The following CCSER1 variants were observed in gnomAD, a reference collection of about 807,000 sequenced individuals.
CCSER1 encodes serine-rich coiled-coil domain-containing protein 1.
In CCSER1, 41 loss-of-function variants were observed where a neutral mutation model predicts 82.0. The ratio of observed to expected loss-of-function variants is 0.50; its 90% CI spans 0.39 to 0.65. CCSER1 has a LOEUF of 0.65. Ranked by LOEUF, CCSER1 falls within the 30% of genes least tolerant of loss-of-function variation. The probability of loss-of-function intolerance (pLI) is 0.00; values close to 1 mark genes in which losing one functional copy is unlikely to be tolerated. For synonymous variants in CCSER1, 414 were observed against 383.9 expected, an observed-to-expected ratio of 1.08 and a Z score of -0.92; for missense variants, 1,119 against 1,064.2, an observed-to-expected ratio of 1.05 and a Z score of -0.72.
intron 10 of CCSER1, among the ~76,000 whole-genome samples, chr4:91,474,815 A>G (rs1757493201): frequency 1.6e-5 from 1 of 63,408 alleles, no homozygotes; most frequent in Admixed American, 1.7e-4. Flanking sequence ...ATATATATAC[A>G]CACACACACA....
intron 4 of CCSER1, among the ~76,000 whole-genome samples, chr4:90,425,157 C>G (rs1191119768): frequency 2.0e-5 from 3 of 152,022 alleles, no homozygotes; most frequent in Admixed American, 6.6e-5. Context: ...ACTCAGAGCC[C>G]CTCTCAGATT....
intron 7 of CCSER1, among the ~76,000 whole-genome samples, chr4:90,777,658 T>C (rs1753114290): frequency 6.6e-6 from 1 of 152,152 alleles, no homozygotes; most frequent in Non-Finnish European, 1.5e-5. Context: ...GATATTAATA[T>C]CTATTGTATA....
intron 9 of CCSER1, among the ~76,000 whole-genome samples, chr4:90,935,082 AGAGG>A (rs1214255913): frequency 6.6e-6 from 1 of 152,020 alleles, no homozygotes; most frequent in Non-Finnish European, 1.5e-5. Flanking sequence ...ATAACTAGAG[AGAGG>A]GAGAGAGGAC....
intron 8 of CCSER1, among the ~76,000 whole-genome samples, chr4:90,894,123 T>C (rs1367763507): frequency 6.6e-6 from 1 of 152,010 alleles, no homozygotes; most frequent in Non-Finnish European, 1.5e-5. Flanking sequence ...TTTGTGACAA[T>C]TTCTGTTTAA....
intron 10 of CCSER1, among the ~76,000 whole-genome samples, chr4:91,448,232 A>C (rs1039848529): frequency 6.6e-6 from 1 of 152,064 alleles, no homozygotes; most frequent in African/African-American, 2.4e-5. Flanking sequence ...TATTTGACAG[A>C]CTAATTTCTC....
At chr4:91,268,204 T>A (rs1741750274) in intron 10 of CCSER1, among the ~76,000 whole-genome samples, 1 of 152,130 alleles carries the variant, frequency 6.6e-6, no homozygotes. Flanking sequence ...GCAAATAACA[T>A]TAGAGGTAAA....
rs1013469625 is a variant in CCSER1, at chr4:90,545,888, G to A, written c.1724+77534G>A. Among the ~76,000 whole-genome samples the A allele has an allele frequency of 3.5e-4, 54 of 152,134 alleles. 1 individual carries two copies. Among genetic ancestry groups the A allele is most frequent in the Non-Finnish European group, 7.9e-4 (54 of 67,968 alleles). On this transcript the variant is annotated intron_variant, in intron 5 of 10. Transcript: ENST00000509176. ...GTTGTAAACAATATTTTCCTCTAGG[G>A]AAATTCAAAATACACATTATGCCTA... is the stretch of plus-strand genomic sequence containing the variant.
chr4:91,406,394 A>G (rs904776323), intron 10 of CCSER1, among the ~76,000 whole-genome samples: 2 of 152,178 alleles, frequency 1.3e-5, no homozygotes, highest in African/African-American at 2.4e-5. Flanking sequence ...TCTAGTTAAC[A>G]TATCTTTTAA....
intron 4 of CCSER1, among the ~76,000 whole-genome samples, chr4:90,466,476 G>C (rs1052344878): frequency 6.6e-6 from 1 of 152,184 alleles, no homozygotes; most frequent in Non-Finnish European, 1.5e-5. Context: ...TCTGGAAGTG[G>C]ATTATTCACA....
intron 10 of CCSER1, among the ~76,000 whole-genome samples, chr4:91,141,694 G>A (rs948393405): frequency 6.6e-6 from 1 of 152,082 alleles, no homozygotes; most frequent in African/African-American, 2.4e-5. Flanking sequence ...AGTTCTTTGA[G>A]AAATCTCTAA....
chr4:91,244,029 T>G (rs1359371724), intron 10 of CCSER1, among the ~76,000 whole-genome samples: 2 of 151,864 alleles, frequency 1.3e-5, no homozygotes, highest in African/African-American at 4.8e-5. Flanking sequence ...TACAGGAGAG[T>G]CCACTGCCCT....
intron 3 of CCSER1, among the ~76,000 whole-genome samples, chr4:90,392,439 G>A (rs1233160806): frequency 6.6e-6 from 1 of 151,866 alleles, no homozygotes; most frequent in East Asian, 1.9e-4. Context: ...TGTGCTACTT[G>A]GAAAAATTAA....
At chr4:90,772,186 G>A (rs1369752369) in intron 7 of CCSER1, among the ~76,000 whole-genome samples, 1 of 152,108 alleles carries the variant, frequency 6.6e-6, no homozygotes, top group African/African-American at 2.4e-5. Flanking sequence ...TTATTTCTTA[G>A]AGAAGTTCCT....
chr4:90,305,349 G>T (rs1395415513), intron 1 of CCSER1, among the ~76,000 whole-genome samples: 1 of 152,094 alleles, frequency 6.6e-6, no homozygotes, highest in Non-Finnish European at 1.5e-5. Context: ...AAGTCTGTAG[G>T]TTCACAACCA....
At chr4:90,869,514 T>C (rs895368875) in intron 8 of CCSER1, among the ~76,000 whole-genome samples, 2 of 152,056 alleles carry the variant, frequency 1.3e-5, no homozygotes, top group African/African-American at 4.8e-5. Flanking sequence ...TTACTGTAGA[T>C]GTATGAATTT....
chr4:90,753,430 C>G (rs763162092), intron 7 of CCSER1, among the ~76,000 whole-genome samples: 2 of 151,984 alleles, frequency 1.3e-5, no homozygotes, highest in Non-Finnish European at 2.9e-5. Flanking sequence ...TTCAGTTGCT[C>G]AAGCCAAAAA....
rs550442376 is a variant in CCSER1 at position 90,880,403 on chromosome 4, C to G, written c.2095-42967C>G. 1.2e-3 allele frequency among the ~76,000 whole-genome samples: 176 copies of G among 152,238 alleles called. 1 individual carries two copies. Among genetic ancestry groups the G allele is most frequent in the African/African-American group, 3.3e-3 (137 of 41,554 alleles). On this transcript the variant is annotated intron_variant, in intron 8 of 10. Coordinates refer to ENST00000509176, the MANE Select transcript of CCSER1 (RefSeq NM_001145065.2). Reference sequence around the variant, plus strand: ...ATGCTGTGGGTCCAAGCCAGAGGTTCCCTGTCTGGTGATGAGCAGTTGGAG... The same window carrying G: ...ATGCTGTGGGTCCAAGCCAGAGGTTGCCTGTCTGGTGATGAGCAGTTGGAG...
chr4:90,962,915 T>G (rs1450924816), intron 9 of CCSER1, among the ~76,000 whole-genome samples: 1 of 152,120 alleles, frequency 6.6e-6, no homozygotes. Flanking sequence ...TTAATGATAA[T>G]GCAGCCAGAG....
intron 10 of CCSER1, among the ~76,000 whole-genome samples, chr4:91,299,079 TG>T (rs1234561429): frequency 1.2e-4 from 18 of 147,468 alleles, no homozygotes; most frequent in African/African-American, 4.8e-4. Flanking sequence ...AAACATTCTA[TG>T]TTTATACATG....
Sources: gnomAD v4.1 joint callset for allele counts (sites outside exome capture counted in the v4.1 genomes callset) on GRCh38, gnomAD v4.1.1 for gene constraint, MANE v1.5 for transcripts, NCBI Gene and HGNC (gene_info 2026-07-23, HGNC 2026-07-21) for gene names.